The following RBFOX1 variants were observed in gnomAD, a reference collection of about 807,000 sequenced individuals.
RBFOX1 encodes RNA binding protein fox-1 homolog 1.
Under a neutral mutation model 57.7 loss-of-function variants are expected in RBFOX1, and 8 were observed. The ratio of observed to expected loss-of-function variants is 0.14; its 90% CI spans 0.08 to 0.25. The LOEUF (loss-of-function observed/expected upper bound fraction) is 0.25, where lower values mean the gene tolerates loss of function less well. Among genes scored for constraint, RBFOX1 ranks in the 10% least tolerant of loss-of-function variants. The pLI is 1.00. For synonymous variants in RBFOX1, 326 were observed against 222.4 expected (o/e 1.47, Z -4.15); for missense variants, 611 against 548.5 (o/e 1.11, Z -1.14).
intron 3 of RBFOX1, among the ~76,000 whole-genome samples, chr16:5,782,799 C>G (rs1406279668): frequency 2.0e-5 from 3 of 152,128 alleles, no homozygotes; most frequent in Non-Finnish European, 4.4e-5. Context: ...GTCAAAAGAC[C>G]CAAACCAGGG....
chr16:7,442,114 C>T (rs2098772735), intron 4 of RBFOX1, among the ~76,000 whole-genome samples: 1 of 152,156 alleles, frequency 6.6e-6, no homozygotes, highest in Non-Finnish European at 1.5e-5. Flanking sequence ...TCCAGGTGCC[C>T]AGGGGTCTGA....
At chr16:6,439,244 G>A (rs528902322) in intron 2 of RBFOX1, among the ~76,000 whole-genome samples, 3 of 152,204 alleles carry the variant, frequency 2.0e-5, no homozygotes, top group East Asian at 1.9e-4. Flanking sequence ...CACATCCTTC[G>A]GCCTCTGATG....
intron 3 of RBFOX1, among the ~76,000 whole-genome samples, chr16:6,696,892 A>G (rs1331925259): frequency 6.6e-6 from 1 of 152,220 alleles, no homozygotes; most frequent in Non-Finnish European, 1.5e-5. Flanking sequence ...CATGTTTAAG[A>G]AATGGAGATT....
chr16:7,558,171 T>G (rs1313858551), intron 5 of RBFOX1, among the ~76,000 whole-genome samples: 1 of 152,012 alleles, frequency 6.6e-6, no homozygotes, highest in Non-Finnish European at 1.5e-5. Context: ...CTGGGAAACA[T>G]GGCAAAACTC....
intron 14 of RBFOX1, among the ~76,000 whole-genome samples, chr16:7,707,382 G>A (rs1462881319): frequency 1.3e-5 from 2 of 152,114 alleles, no homozygotes; most frequent in African/African-American, 4.8e-5. Context: ...AGAAAGCTTG[G>A]AAGGAAAATG....
At position 7,517,327 on chromosome 16, in the gene RBFOX1, A is replaced by C. The variant is rs183602497; in HGVS notation, c.28-820A>C. Among the ~76,000 whole-genome samples the C allele has an allele frequency of 1.8e-3, 280 of 152,204 alleles. 2 individuals carry two copies. The highest frequency in any genetic ancestry group is 0.01 in the Middle Eastern group (3 of 294). On this transcript the variant is annotated intron_variant, in intron 4 of 15. Coordinates refer to ENST00000550418, the MANE Select transcript of RBFOX1 (RefSeq NM_018723.4). ...AATTGTCACACTGCCTGTTTTGCCTAGATCTGAAGAATGAATTGTTATATA... is the reference window on the plus strand; with the variant it reads ...AATTGTCACACTGCCTGTTTTGCCTCGATCTGAAGAATGAATTGTTATATA...
intron 3 of RBFOX1, among the ~76,000 whole-genome samples, chr16:6,988,239 G>C (rs541218260): frequency 1.3e-5 from 2 of 152,150 alleles, no homozygotes; most frequent in East Asian, 1.9e-4. Flanking sequence ...TTTCCTGCTG[G>C]TTTTTCCAGG....
intron 4 of RBFOX1, among the ~76,000 whole-genome samples, chr16:7,511,160 A>G (rs1489077274): frequency 6.6e-6 from 1 of 152,226 alleles, no homozygotes; most frequent in Non-Finnish European, 1.5e-5. Context: ...AGGTAGTTAC[A>G]TGGAAAAGAA....
In RBFOX1 at chr16:6,687,077, C is replaced by T. The variant is rs981867720; in HGVS notation, c.-16+32427C>T. 2.6e-5 allele frequency among the ~76,000 whole-genome samples: 4 copies of T among 152,136 alleles called. No homozygotes were observed. The East Asian group carries it at 7.7e-4, about 29-fold the overall frequency. On this transcript the variant is annotated intron_variant, in intron 3 of 15. Coordinates refer to ENST00000550418, the MANE Select transcript of RBFOX1 (RefSeq NM_018723.4). ...AAACAGGAACAGCAGGTATCTAGTTCCTGAAAGAATCACACTTACAGATGA... is the reference window on the plus strand; with the variant it reads ...AAACAGGAACAGCAGGTATCTAGTTTCTGAAAGAATCACACTTACAGATGA...
chr16:7,696,873 A>G (rs2078964756), intron 14 of RBFOX1, among the ~76,000 whole-genome samples: 1 of 152,156 alleles, frequency 6.6e-6, no homozygotes, highest in Non-Finnish European at 1.5e-5. Context: ...CCCATGAAAC[A>G]TACAGCAGGT....
chr16:6,453,953 C>T (rs566239671), intron 2 of RBFOX1, among the ~76,000 whole-genome samples: 8 of 152,256 alleles, frequency 5.3e-5, no homozygotes, highest in South Asian at 2.1e-4. Context: ...TTCTGGAGGC[C>T]GAAGTCCAAA....
intron 2 of RBFOX1, among the ~76,000 whole-genome samples, chr16:6,527,878 A>T (rs2096602958): frequency 6.6e-6 from 1 of 152,106 alleles, no homozygotes. Flanking sequence ...AATTCAAAAG[A>T]GTGACCACAC....
At chr16:7,358,837 C>G (rs2097266125) in intron 4 of RBFOX1, among the ~76,000 whole-genome samples, 3 of 152,182 alleles carry the variant, frequency 2.0e-5, no homozygotes, top group East Asian at 1.9e-4. Flanking sequence ...CTCACGATGA[C>G]TTATCTACAT....
At chr16:7,134,840 A>G (rs1428171683) in intron 4 of RBFOX1, among the ~76,000 whole-genome samples, 2 of 152,148 alleles carry the variant, frequency 1.3e-5, no homozygotes, top group East Asian at 1.9e-4. Flanking sequence ...TGATGGTTAC[A>G]GTTTTAATGC....
chr16:6,192,864 T>A (rs2097150750), intron 1 of RBFOX1, among the ~76,000 whole-genome samples: 1 of 152,158 alleles, frequency 6.6e-6, no homozygotes, highest in Non-Finnish European at 1.5e-5. Flanking sequence ...TTGAGATCCA[T>A]CTCATAAGAT....
intron 4 of RBFOX1, among the ~76,000 whole-genome samples, chr16:7,428,322 T>C (rs1392448239): frequency 6.9e-6 from 1 of 144,116 alleles, no homozygotes; most frequent in Admixed American, 6.8e-5. Context: ...AGAATTAATA[T>C]CTTTTTTTTT....
In RBFOX1 at chr16:7,411,926, A is replaced by G. The variant is rs539090703; in HGVS notation, c.28-106221A>G. 3.8e-4 allele frequency among the ~76,000 whole-genome samples: 47 copies of G among 123,260 alleles called. 1 individual carries two copies. The highest frequency in any genetic ancestry group is 1.8e-3 in the Admixed American group (23 of 12,856). The allele number at this position is 123,260 out of a possible 152,430, so 80.9% of individuals were successfully genotyped here. Reference sequence around the variant, plus strand: ...TCAAAAAAAAAAAAAAAAAAAAAAGATAGGGAAAATCTGAGAAACTATCAC... The same window carrying G: ...TCAAAAAAAAAAAAAAAAAAAAAAGGTAGGGAAAATCTGAGAAACTATCAC... On this transcript the variant is annotated intron_variant, in intron 4 of 15. Transcript: ENST00000550418.
chr16:7,157,894 A>G (rs2077472706), intron 4 of RBFOX1, among the ~76,000 whole-genome samples: 1 of 152,334 alleles, frequency 6.6e-6, no homozygotes, highest in South Asian at 2.1e-4. Context: ...ACTTTGACCC[A>G]TTGGTAGAGA....
chr16:6,404,680 C>A (rs1028025222), intron 2 of RBFOX1, among the ~76,000 whole-genome samples: 18 of 152,024 alleles, frequency 1.2e-4, no homozygotes, highest in Middle Eastern at 3.2e-3. Flanking sequence ...GGGAGAGTAC[C>A]AGGCAAACTT....
Sources: gnomAD v4.1 joint callset for allele counts (sites outside exome capture counted in the v4.1 genomes callset) on GRCh38, gnomAD v4.1.1 for gene constraint, MANE v1.5 for transcripts, NCBI Gene and HGNC (gene_info 2026-07-23, HGNC 2026-07-21) for gene names.